The following SPIN1 variants were observed in gnomAD, a reference collection of about 807,000 sequenced individuals.
SPIN1 encodes the protein spindlin 1.
Under a neutral mutation model 26.0 loss-of-function variants are expected in SPIN1, and 3 were observed. The observed-to-expected ratio is 0.12, with a 90% CI of 0.05 to 0.30. The LOEUF (loss-of-function observed/expected upper bound fraction) is 0.30, where lower values mean the gene tolerates loss of function less well. Ranked by LOEUF, SPIN1 falls within the 10% of genes least tolerant of loss-of-function variation. The probability of loss-of-function intolerance (pLI) is 1.00; values close to 1 mark genes in which losing one functional copy is unlikely to be tolerated. For missense variants in SPIN1, 126 were observed against 333.4 expected (o/e 0.38, Z 4.84); for synonymous variants, 101 against 116.5 (o/e 0.87, Z 0.86).
intron 3 of SPIN1, among the ~76,000 whole-genome samples, chr9:88,459,278 T>TA (rs1485139813): frequency 6.6e-6 from 1 of 152,182 alleles, no homozygotes; most frequent in African/African-American, 2.4e-5. Flanking sequence ...AAAGTATTGC[T>TA]ACAAAGGATT....
chr9:88,410,324 CT>C (rs547217766), intron 1 of SPIN1, among the ~76,000 whole-genome samples: 213 of 152,120 alleles, frequency 1.4e-3, no homozygotes, highest in African/African-American at 5.0e-3. Flanking sequence ...AGAACAGAAA[CT>C]AAAATAACCT....
chr9:88,454,446 A>G (rs1174001088), intron 3 of SPIN1, among the ~76,000 whole-genome samples: 2 of 152,070 alleles, frequency 1.3e-5, no homozygotes, highest in East Asian at 1.9e-4. Flanking sequence ...TTTTATATAC[A>G]CTATTTCCAC....
At chr9:88,431,249 C>T (rs1827863916) in intron 2 of SPIN1, among the ~76,000 whole-genome samples, 1 of 151,256 alleles carries the variant, frequency 6.6e-6, no homozygotes, top group Non-Finnish European at 1.5e-5. Flanking sequence ...TGCTCATGTA[C>T]CTACTACTCA....
At chr9:88,449,067 G>C (rs889600916) in intron 3 of SPIN1, 78 bp downstream of exon 3, 1 of 1,422,502 alleles carries the variant, frequency 7.0e-7, no homozygotes, top group Non-Finnish European at 9.9e-7. Flanking sequence ...CCTAGGTAAG[G>C]CCTCCTCCCC....
chr9:88,462,587 G>A lies in SPIN1; in HGVS notation c.193G>A (p.Gly65Arg). 1 of 1,614,124 alleles carries A rather than the reference G, an allele frequency of 6.2e-7. No individual in the cohort carries two copies. Among genetic ancestry groups the A allele is most frequent in the Non-Finnish European group, 8.5e-7 (1 of 1,180,006 alleles). ...GCRIQHGWKEGNGPVTQWKGT... is the reference protein window; with the variant it reads ...GCRIQHGWKERNGPVTQWKGT... ...CAGGATTCAGCATGGGTGGAAAGAG[G>A]GGAATGGCCCTGTTACCCAGTGGAA... The change falls in exon 4 of 6, where the codon GGG (glycine) becomes AGG (arginine). Residue 65 changes from glycine (G) to arginine (R), a missense_variant. Physicochemically the swap from Gly to Arg is moderately radical, Grantham distance 125. Around this residue, in one of 7 missense-constraint regions of SPIN1, gnomAD observed 63 missense variants for 101.3 expected, o/e 0.62. Coordinates refer to ENST00000375859, the MANE Select transcript of SPIN1 (RefSeq NM_006717.3).
At chr9:88,467,005 A>G (rs1228607822) in intron 4 of SPIN1, among the ~76,000 whole-genome samples, 5 of 152,266 alleles carry the variant, frequency 3.3e-5, no homozygotes, top group African/African-American at 1.2e-4. Context: ...CCAAAGTGCT[A>G]GGATTACAGG....
At position 88,415,994 on chromosome 9, in the gene SPIN1, G is replaced by C. The variant is rs59970625; in HGVS notation, c.-158-10388G>C. ...GATGGTCTCGATCTCCTGACCTCGT[G>C]ATCTGCCCGCCTTGGCCTTCCAAAG... On this transcript the variant is annotated intron_variant, in intron 1 of 5. Transcript: ENST00000375859. Among the ~76,000 whole-genome samples the C allele has an allele frequency of 9.9e-3, 1,480 of 150,078 alleles. 24 individuals carry two copies. Among genetic ancestry groups the C allele is most frequent in the African/African-American group, 0.034 (1,407 of 40,790 alleles).
intron 2 of SPIN1, among the ~76,000 whole-genome samples, chr9:88,443,236 C>T (rs985227751): frequency 3.3e-5 from 5 of 151,918 alleles, no homozygotes; most frequent in Non-Finnish European, 5.9e-5. Flanking sequence ...GTACTTGTCC[C>T]ATAGTTCTTG....
Position 88,475,296 on chromosome 9 carries a change from C to G in SPIN1, c.*19C>G. 1 of 1,604,500 alleles carries G rather than the reference C, an allele frequency of 6.2e-7. No individual in the cohort carries two copies. Among genetic ancestry groups the G allele is most frequent in the Non-Finnish European group, 8.5e-7 (1 of 1,173,230 alleles). ...ATCCTAGATGTCATCACAAACTCTG[C>G]CAAATTTGTGGAACTATGAAATGTA... On this transcript the variant is annotated 3_prime_UTR_variant, in exon 6 of 6. Transcript: ENST00000375859.
chr9:88,457,845 A>G (rs1262076713), intron 3 of SPIN1: 8 of 983,926 alleles, frequency 8.1e-6, no homozygotes, highest in Admixed American at 6.1e-5. Flanking sequence ...ATACTACGCA[A>G]AAAGCAACCA....
At chr9:88,449,044 G>A in intron 3 of SPIN1, 55 bp downstream of exon 3, 1 of 1,572,098 alleles carries the variant, frequency 6.4e-7, no homozygotes, top group Non-Finnish European at 8.7e-7. Flanking sequence ...TTGTTACGCA[G>A]CATACAAGAT....
chr9:88,405,277 G>A (rs1827271990), intron 1 of SPIN1, among the ~76,000 whole-genome samples: 1 of 152,014 alleles, frequency 6.6e-6, no homozygotes, highest in African/African-American at 2.4e-5. Context: ...CTCCCAGGCT[G>A]GAGTGCAGTG....
At chr9:88,468,327 A>G in intron 4 of SPIN1, 45 bp from the exon 5 acceptor site, 1 of 1,394,954 alleles carries the variant, frequency 7.2e-7, no homozygotes, top group Non-Finnish European at 9.6e-7. Flanking sequence ...GTCGGTAATC[A>G]GCGAAACACT....
At chr9:88,404,946 A>G (rs1177287363) in intron 1 of SPIN1, among the ~76,000 whole-genome samples, 1 of 151,012 alleles carries the variant, frequency 6.6e-6, no homozygotes, top group East Asian at 1.9e-4. Context: ...AAAAAAAACT[A>G]AGATACTCAG....
chr9:88,433,138 A>T (rs977293567), intron 2 of SPIN1, among the ~76,000 whole-genome samples: 1 of 151,482 alleles, frequency 6.6e-6, no homozygotes, highest in African/African-American at 2.4e-5. Context: ...GGAGCACAGT[A>T]GCATGATCTT....
In SPIN1 at chr9:88,468,456, C is replaced by G. The variant is rs1026532152; in HGVS notation, c.440C>G (p.Ser147Cys). 1 of 1,612,870 alleles carries G rather than the reference C, an allele frequency of 6.2e-7. No individual in the cohort carries two copies. The highest frequency in any genetic ancestry group is 1.3e-5 in the African/African-American group (1 of 74,616). The change falls in exon 5 of 6, where the codon TCT (serine) becomes TGT (cysteine). Residue 147 changes from serine to cysteine, a missense_variant. Ser to Cys is a moderately radical substitution (Grantham distance 112). This residue lies in a region of SPIN1 where 10 missense variants were observed against 44.5 expected (regional missense o/e 0.22). Coordinates refer to ENST00000375859, the MANE Select transcript of SPIN1 (RefSeq NM_006717.3). ...VEHMFETEDGSKDEWRGMVLA... is the reference protein window; with the variant it reads ...VEHMFETEDGCKDEWRGMVLA... ...CATATGTTTGAGACAGAGGATGGTT[C>G]TAAAGATGAGTGGAGGGGAATGGTC...
At position 88,450,472 on chromosome 9, in the gene SPIN1, G is replaced by T. The variant is rs540845942; in HGVS notation, c.101+1483G>T. Among the ~76,000 whole-genome samples the T allele has an allele frequency of 7.6e-4, 112 of 147,296 alleles. 1 individual carries two copies. In the South Asian group the frequency reaches 0.022, roughly 29 times the overall value. The stretch of plus-strand genomic sequence containing the variant: ...GGATTTCAGATATTAATAGGTTTGA[G>T]CTCTTGGGCATGTTATTATAATGCG... On this transcript the variant is annotated intron_variant, in intron 3 of 5. Coordinates refer to ENST00000375859, the MANE Select transcript of SPIN1 (RefSeq NM_006717.3).
chr9:88,442,746 GT>G (rs997820105), intron 2 of SPIN1, among the ~76,000 whole-genome samples: 2 of 151,826 alleles, frequency 1.3e-5, no homozygotes, highest in African/African-American at 2.4e-5. Flanking sequence ...CTTTGGTGTA[GT>G]TTTTTTCTGG....
At chr9:88,414,627 T>C (rs754023112) in intron 1 of SPIN1, among the ~76,000 whole-genome samples, 10 of 152,218 alleles carry the variant, frequency 6.6e-5, no homozygotes, top group Admixed American at 5.2e-4. Context: ...AAGTGTCAGC[T>C]GATGAGTTTA....
Sources: gnomAD v4.1 joint callset for allele counts (sites outside exome capture counted in the v4.1 genomes callset) on GRCh38, gnomAD v4.1.1 for gene constraint, gnomAD v4.1.1 regional missense constraint, MANE v1.5 for transcripts, NCBI Gene and HGNC (gene_info 2026-07-23, HGNC 2026-07-21) for gene names.